NLGN1: variants seen among roughly 807,000 people sequenced by gnomAD.
The protein encoded by NLGN1 is neuroligin-1.
In NLGN1, 12 loss-of-function variants were observed where a neutral mutation model predicts 65.5. The observed-to-expected ratio is 0.18, with a 90% CI of 0.12 to 0.30. NLGN1 has a LOEUF of 0.30. NLGN1 is among the 10% of genes least tolerant of loss of function. The pLI is 1.00. For missense variants in NLGN1, 750 were observed against 1,007.1 expected (o/e 0.74, Z 3.46); for synonymous variants, 350 against 359.5 (o/e 0.97, Z 0.30).
At chr3:173,654,623 A>G (rs978207209) in intron 3 of NLGN1, among the ~76,000 whole-genome samples, 2 of 152,282 alleles carry the variant, frequency 1.3e-5, no homozygotes, top group African/African-American at 4.8e-5. Flanking sequence ...TGATTGATAT[A>G]TATGTTTAAT....
chr3:173,529,917 G>C (rs961836067), intron 2 of NLGN1, among the ~76,000 whole-genome samples: 3 of 151,850 alleles, frequency 2.0e-5, no homozygotes, highest in African/African-American at 7.3e-5. Context: ...AAATGGACTA[G>C]GTAATTCCCC....
chr3:174,146,093 T>TTCCTTCCTTCC (rs1723180323), intron 4 of NLGN1, among the ~76,000 whole-genome samples: 1 of 125,088 alleles, frequency 8.0e-6, no homozygotes, highest in East Asian at 2.7e-4. Context: ...ATTCTACTCT[T>TTCCTTCCTTCC]TTCCTTCCTT....
At chr3:173,722,977 C>T (rs575297881) in intron 3 of NLGN1, among the ~76,000 whole-genome samples, 1 of 152,240 alleles carries the variant, frequency 6.6e-6, no homozygotes, top group Admixed American at 6.5e-5. Flanking sequence ...GAGAAGATCT[C>T]CTTGATAAAA....
At chr3:174,281,153 C>T in exon 7 of NLGN1, 1 of 1,613,284 alleles carries the variant, frequency 6.2e-7, no homozygotes, top group South Asian at 1.1e-5. Context: ...ATGATGTTCC[C>T]TTAATGACAC....
chr3:174,016,629 G>C (rs1726614099), intron 4 of NLGN1, among the ~76,000 whole-genome samples: 1 of 152,162 alleles, frequency 6.6e-6, no homozygotes, highest in Admixed American at 6.6e-5. Flanking sequence ...TAATTGGGTT[G>C]CTGTTTTTGG....
chr3:174,200,685 T>A (rs888701848), intron 4 of NLGN1, among the ~76,000 whole-genome samples: 15 of 152,194 alleles, frequency 9.9e-5, no homozygotes, highest in African/African-American at 3.6e-4. Context: ...AGCAATAATA[T>A]TAACAATCTT....
At chr3:174,243,728 A>G (rs1360262306) in intron 4 of NLGN1, among the ~76,000 whole-genome samples, 1 of 152,222 alleles carries the variant, frequency 6.6e-6, no homozygotes, top group Non-Finnish European at 1.5e-5. Context: ...AAAACATTTT[A>G]GTAGTTCTTC....
At chr3:174,023,913 G>C (rs559757305) in intron 4 of NLGN1, among the ~76,000 whole-genome samples, 16 of 152,172 alleles carry the variant, frequency 1.1e-4, no homozygotes, top group East Asian at 5.8e-4. Flanking sequence ...TAACACCTTG[G>C]GGGGAGGTTT....
intron 4 of NLGN1, among the ~76,000 whole-genome samples, chr3:174,177,258 G>A (rs900078435): frequency 2.0e-5 from 3 of 151,934 alleles, no homozygotes; most frequent in Non-Finnish European, 4.4e-5. Flanking sequence ...CTAACAGAGG[G>A]TATTATAGGT....
chr3:174,208,757 C>T (rs1198057621), intron 4 of NLGN1, among the ~76,000 whole-genome samples: 1 of 151,864 alleles, frequency 6.6e-6, no homozygotes, highest in African/African-American at 2.4e-5. Flanking sequence ...TCAGCAAAGG[C>T]CCAAAGGATA....
In NLGN1 at chr3:173,900,888, G is replaced by A. The variant is rs1737231351; in HGVS notation, c.646+93056G>A. ...GGAGCATGTGTTATACTGACATGGCGGGAAAGAAAACTAGCAATTATGAAA... is the reference window on the plus strand; with the variant it reads ...GGAGCATGTGTTATACTGACATGGCAGGAAAGAAAACTAGCAATTATGAAA... On this transcript the variant is annotated intron_variant, in intron 4 of 6. Coordinates refer to ENST00000457714, the Ensembl canonical transcript of NLGN1. 2.0e-5 allele frequency among the ~76,000 whole-genome samples: 3 copies of A among 151,924 alleles called. No homozygotes were observed. The South Asian group carries it at 6.2e-4, about 31-fold the overall frequency.
rs957639899 is a variant in NLGN1, at chr3:174,225,581, A to C, written c.647-49734A>C. Among the ~76,000 whole-genome samples the C allele has an allele frequency of 2.0e-5, 3 of 152,058 alleles. No homozygotes were observed. In the South Asian group the frequency reaches 6.2e-4, roughly 32 times the overall value. On this transcript the variant is annotated intron_variant, in intron 4 of 6. Coordinates refer to ENST00000457714, the Ensembl canonical transcript of NLGN1. Reference sequence around the variant, plus strand: ...CCCATCTCTACTAAAAATACAAAAAATTCTCTGGGCGTGGTGGCGGGCGCC... The same window carrying C: ...CCCATCTCTACTAAAAATACAAAAACTTCTCTGGGCGTGGTGGCGGGCGCC...
chr3:174,293,114 C>T, the NLGN1 span, among the ~76,000 whole-genome samples: 39 of 151,308 alleles, frequency 2.6e-4, no homozygotes, highest in Admixed American at 1.1e-3. Flanking sequence ...TCAGGAAGAA[C>T]GATTCAGTAA....
At chr3:173,454,145 C>T (rs958955180) in intron 2 of NLGN1, among the ~76,000 whole-genome samples, 1 of 152,094 alleles carries the variant, frequency 6.6e-6, no homozygotes, top group Admixed American at 6.6e-5. Flanking sequence ...ACATTTTATT[C>T]CTGAACAGCA....
intron 2 of NLGN1, among the ~76,000 whole-genome samples, chr3:173,539,797 CATATATATACATATATACAT>C (rs1738444550): frequency 7.7e-6 from 1 of 129,070 alleles, no homozygotes; most frequent in Non-Finnish European, 1.6e-5. Context: ...TACATATATA[CATATATATACATATATACAT>C]ATGTTATATA....
intron 3 of NLGN1, among the ~76,000 whole-genome samples, chr3:173,658,914 G>A (rs901892266): frequency 3.9e-5 from 6 of 151,986 alleles, no homozygotes; most frequent in Admixed American, 2.0e-4. Flanking sequence ...TCCTCAAAAT[G>A]TTTGTAAAAC....
intron 4 of NLGN1, among the ~76,000 whole-genome samples, chr3:174,188,396 A>G (rs950986748): frequency 1.3e-5 from 2 of 151,990 alleles, no homozygotes; most frequent in African/African-American, 4.8e-5. Flanking sequence ...AGGAGCTTCC[A>G]TTCACTGCGC....
intron 2 of NLGN1, among the ~76,000 whole-genome samples, chr3:173,462,003 A>T (rs1375405318): frequency 6.6e-6 from 1 of 152,184 alleles, no homozygotes; most frequent in Non-Finnish European, 1.5e-5. Context: ...GTGAATGAAC[A>T]TTTTCTATAA....
chr3:174,098,183 C>T (rs999594194), intron 4 of NLGN1, among the ~76,000 whole-genome samples: 7 of 152,082 alleles, frequency 4.6e-5, no homozygotes, highest in African/African-American at 7.2e-5. Context: ...TGAGATTATC[C>T]AGGATTGGGA....
Sources: allele counts gnomAD v4.1 joint callset (sites outside exome capture counted in the v4.1 genomes callset), GRCh38; gene constraint gnomAD v4.1.1; transcripts MANE v1.5; gene names NCBI Gene and HGNC (gene_info 2026-07-23, HGNC 2026-07-21).